The following SPTLC1 variants were observed in gnomAD, a reference collection of about 807,000 sequenced individuals.
SPTLC1 encodes serine palmitoyltransferase 1.
In SPTLC1, 55 loss-of-function variants were observed where a neutral mutation model predicts 68.9. The observed-to-expected ratio is 0.80, with a 90% CI of 0.64 to 1.00. The LOEUF is 1.00. Ranked by LOEUF, SPTLC1 falls within the 50% of genes least tolerant of loss-of-function variation. The pLI is 0.00. For synonymous variants in SPTLC1, 197 were observed against 201.6 expected (o/e 0.98, Z 0.19); for missense variants, 449 against 573.1 (o/e 0.78, Z 2.21).
At chr9:92,095,092 G>A (rs1835484496) in intron 3 of SPTLC1, among the ~76,000 whole-genome samples, 2 of 151,770 alleles carry the variant, frequency 1.3e-5, no homozygotes, top group South Asian at 2.1e-4. Flanking sequence ...CAGAACCTTC[G>A]CTAATCAAAA....
In SPTLC1 at chr9:92,034,851, C is replaced by T. The variant is rs779262322; in HGVS notation, c.1287G>A (p.Ala429=). The change falls in exon 14 of 15, where the codon GCG becomes GCA. Residue 429 remains alanine (A), a synonymous_variant. Coordinates refer to ENST00000262554, the MANE Select transcript of SPTLC1 (RefSeq NM_006415.4). ...ACTTCTCTTCTTTCTCCAAGTAGCGCGCCTGAGTTAATGCAATACTTCTGT... is the reference window on the plus strand; with the variant it reads ...ACTTCTCTTCTTTCTCCAAGTAGCGTGCCTGAGTTAATGCAATACTTCTGT... ...CMNRSIALTQ[A]RYLEKEEKCL... The T allele has an allele frequency of 3.0e-5, 48 of 1,613,954 alleles. No individual in the cohort carries two copies. The highest frequency in any genetic ancestry group is 1.2e-4 in the South Asian group (11 of 91,068).
chr9:92,053,521 T>C (rs905864463), intron 8 of SPTLC1, among the ~76,000 whole-genome samples: 2 of 152,202 alleles, frequency 1.3e-5, no homozygotes, highest in African/African-American at 4.8e-5. Flanking sequence ...CAAATATCCA[T>C]CTGTGGATGA....
chr9:92,049,087 T>C (rs866559967), intron 9 of SPTLC1, among the ~76,000 whole-genome samples: 4 of 152,198 alleles, frequency 2.6e-5, no homozygotes, highest in Non-Finnish European at 5.9e-5. Context: ...CCTCGGTGCA[T>C]GTAACTGCTG....
chr9:92,047,975 AT>A (rs1056816922), intron 9 of SPTLC1, among the ~76,000 whole-genome samples: 9 of 152,242 alleles, frequency 5.9e-5, no homozygotes, highest in Non-Finnish European at 1.3e-4. Context: ...AGACAAATAA[AT>A]TATAAGAAAA....
At chr9:92,047,769 A>G in intron 9 of SPTLC1, 61 bp from the exon 10 acceptor site, 2 of 1,128,626 alleles carry the variant, frequency 1.8e-6, no homozygotes, top group South Asian at 2.6e-5. Context: ...GGCCAACTTC[A>G]AGCCTAGAGA....
At chr9:92,055,251 GTGT>G in intron 8 of SPTLC1, 151 bp downstream of exon 8, 1 of 1,495,988 alleles carries the variant, frequency 6.7e-7, no homozygotes, top group Non-Finnish European at 8.9e-7. Flanking sequence ...CTGGCATTCA[GTGT>G]TGTTCTTCTT....
intron 6 of SPTLC1, among the ~76,000 whole-genome samples, chr9:92,067,498 C>T (rs1387174086): frequency 1.3e-5 from 2 of 152,228 alleles, no homozygotes; most frequent in African/African-American, 4.8e-5. Flanking sequence ...GCATTCAGCA[C>T]AGGCACGCGA....
chr9:92,061,758 TA>T (rs1191981101), intron 6 of SPTLC1, among the ~76,000 whole-genome samples: 1 of 152,216 alleles, frequency 6.6e-6, no homozygotes, highest in African/African-American at 2.4e-5. Context: ...TAAAAGTTTC[TA>T]CACTTGAATT....
At chr9:92,059,626 C>G (rs1031653378) in intron 6 of SPTLC1, among the ~76,000 whole-genome samples, 1 of 152,198 alleles carries the variant, frequency 6.6e-6, no homozygotes, top group Non-Finnish European at 1.5e-5. Flanking sequence ...ACATAAAATA[C>G]TGGTGTGCCT....
At chr9:92,074,964 G>A (rs1834628749) in intron 5 of SPTLC1, among the ~76,000 whole-genome samples, 1 of 152,004 alleles carries the variant, frequency 6.6e-6, no homozygotes, top group Admixed American at 6.6e-5. Flanking sequence ...CAACTCACCT[G>A]GACCGTCCTG....
At chr9:92,053,950 T>C (rs886416675) in intron 8 of SPTLC1, 23 of 985,258 alleles carry the variant, frequency 2.3e-5, no homozygotes, top group Non-Finnish European at 2.7e-5. Context: ...TCAATGGTCA[T>C]GGTTTCTAAA....
At chr9:92,055,638 G>T in intron 7 of SPTLC1, 144 bp from the exon 8 acceptor site, 3 of 834,824 alleles carry the variant, frequency 3.6e-6, no homozygotes, top group South Asian at 1.5e-5. Flanking sequence ...TTTGTGATGG[G>T]TTATTTTGAG....
intron 13 of SPTLC1, among the ~76,000 whole-genome samples, chr9:92,035,788 A>G (rs1833120805): frequency 6.6e-6 from 1 of 152,258 alleles, no homozygotes; most frequent in African/African-American, 2.4e-5. Context: ...GCTGCGAGGA[A>G]GAGATGGAAA....
intron 7 of SPTLC1, among the ~76,000 whole-genome samples, chr9:92,058,707 AGGTGG>A (rs1833979622): frequency 1.3e-5 from 2 of 152,202 alleles, no homozygotes; most frequent in African/African-American, 4.8e-5. Flanking sequence ...AGCAGGATAC[AGGTGG>A]GGTGGGGAGA....
At chr9:92,080,172 G>T in intron 4 of SPTLC1, 84 bp from the exon 5 acceptor site, 1 of 1,122,958 alleles carries the variant, frequency 8.9e-7, no homozygotes, top group Non-Finnish European at 1.3e-6. Context: ...AACCCACAGA[G>T]CTCCTTCCTT....
In SPTLC1 at chr9:92,059,430, T is replaced by A. The variant is rs1834010771; in HGVS notation, c.561-122A>T. On this transcript the variant is annotated intron_variant, in intron 6 of 14. Coordinates refer to ENST00000262554, the MANE Select transcript of SPTLC1 (RefSeq NM_006415.4). ...TGTTAACATGAGCATAGCAAATAAA[T>A]AAAACATGTTTGAATATTTATACAT... 15 of 1,003,740 alleles carry A rather than the reference T, an allele frequency of 1.5e-5. No homozygotes were observed. In the South Asian group the frequency reaches 2.0e-4, roughly 14 times the overall value. 62.2% of individuals were successfully genotyped at this position (1,003,740 alleles called of 1,614,324 possible).
chr9:92,032,655 T>C (rs1385279152), intron 14 of SPTLC1, 97 bp from the exon 15 acceptor site: 9 of 1,500,918 alleles, frequency 6.0e-6, no homozygotes, highest in Non-Finnish European at 8.3e-6. Context: ...GGCAGGTGGA[T>C]CACGAGGTCA....
chr9:92,076,336 A>G (rs1484179660), intron 5 of SPTLC1, among the ~76,000 whole-genome samples: 1 of 152,194 alleles, frequency 6.6e-6, no homozygotes, highest in African/African-American at 2.4e-5. Context: ...CCCATTGCCC[A>G]AGGAAACACC....
At chr9:92,070,651 C>T (rs183401061) in intron 5 of SPTLC1, among the ~76,000 whole-genome samples, 2 of 152,164 alleles carry the variant, frequency 1.3e-5, no homozygotes, top group Admixed American at 1.3e-4. Context: ...GGGGTTCAGC[C>T]CTGGGCAGCC....
Sources: gnomAD v4.1 joint callset for allele counts (sites outside exome capture counted in the v4.1 genomes callset) on GRCh38, gnomAD v4.1.1 for gene constraint, MANE v1.5 for transcripts, NCBI Gene and HGNC (gene_info 2026-07-23, HGNC 2026-07-21) for gene names.